The following DCTD variants were observed in gnomAD, a reference collection of about 807,000 sequenced individuals.
DCTD encodes deoxycytidylate deaminase.
Under a neutral mutation model 21.0 loss-of-function variants are expected in DCTD, and 23 were observed. The observed-to-expected ratio is 1.09, with a 90% CI of 0.79 to 1.55. The LOEUF is 1.55. DCTD is among the 40% of genes most tolerant of loss of function. DCTD has a pLI of 0.00. For missense variants in DCTD, 224 were observed against 230.0 expected (o/e 0.97, Z 0.17); for synonymous variants, 71 against 81.1 (o/e 0.88, Z 0.67).
intron 3 of DCTD, among the ~76,000 whole-genome samples, chr4:182,896,317 A>C (rs1239055101): frequency 1.3e-5 from 2 of 152,230 alleles, no homozygotes; most frequent in African/African-American, 4.8e-5. Context: ...GCAGCAATGC[A>C]ATGTTGCAGG....
intron 1 of DCTD, chr4:182,916,316 G>C (rs1275816793): frequency 2.2e-6 from 2 of 920,010 alleles, no homozygotes; most frequent in Non-Finnish European, 2.6e-6. Context: ...CTACGGCAGG[G>C]AGAGCCCACG....
intron 3 of DCTD, among the ~76,000 whole-genome samples, chr4:182,909,372 G>A (rs28490576): frequency 2.0e-5 from 3 of 152,072 alleles, no homozygotes; most frequent in African/African-American, 4.8e-5. Flanking sequence ...CCCTTGATTC[G>A]TAAAAATAAT....
chr4:182,908,202 T>TA (rs775694916), intron 3 of DCTD, among the ~76,000 whole-genome samples: 7 of 151,880 alleles, frequency 4.6e-5, no homozygotes, highest in African/African-American at 7.3e-5. Context: ...GATTCCGGAT[T>TA]AAAAAAAACT....
chr4:182,908,864 G>C (rs1481332958), intron 3 of DCTD, among the ~76,000 whole-genome samples: 2 of 152,070 alleles, frequency 1.3e-5, no homozygotes, highest in African/African-American at 4.8e-5. Context: ...TTTATCTTGA[G>C]AGATTACAGT....
rs369404649 is a variant in DCTD, at chr4:182,909,112, T to C, written c.244+5811A>G. Among the ~76,000 whole-genome samples the C allele has an allele frequency of 1.8e-4, 28 of 152,372 alleles. No individual in the cohort carries two copies. In the East Asian group the frequency reaches 5.4e-3, roughly 29 times the overall value. The stretch of plus-strand genomic sequence containing the variant: ...ATATGTCTTTCATAGATATTCATAA[T>C]GAAATAGTAAACTCTAGCACTTTAA... On this transcript the variant is annotated intron_variant, in intron 3 of 5. Coordinates refer to ENST00000438320, the MANE Select transcript of DCTD (RefSeq NM_001921.3).
chr4:182,902,342 G>C (rs772974566), intron 3 of DCTD, among the ~76,000 whole-genome samples: 2 of 152,194 alleles, frequency 1.3e-5, no homozygotes, highest in Admixed American at 1.3e-4. Flanking sequence ...CCTGCATGAA[G>C]TTCCTATTAG....
intron 3 of DCTD, among the ~76,000 whole-genome samples, chr4:182,894,859 C>T (rs148103033): frequency 1.1e-3 from 163 of 152,354 alleles, no homozygotes; most frequent in African/African-American, 3.6e-3. Context: ...CCACCCTAAG[C>T]GCAGCTCCGC....
chr4:182,913,532 T>C (rs1457127324), intron 3 of DCTD, among the ~76,000 whole-genome samples: 1 of 152,124 alleles, frequency 6.6e-6, no homozygotes, highest in Non-Finnish European at 1.5e-5. Context: ...ATATATAAAT[T>C]AGACTAAATG....
In DCTD at chr4:182,898,035, G is replaced by A. The variant is rs1003576315; in HGVS notation, c.245-3430C>T. 8.5e-5 allele frequency among the ~76,000 whole-genome samples: 13 copies of A among 152,334 alleles called. No homozygotes were observed. In the South Asian group the frequency reaches 1.0e-3, roughly 12 times the overall value. ...TCAGCCCCCAGACTGTCCTCAGAGA[G>A]GAAACTAGGGAAACTAACTTGATGA... On this transcript the variant is annotated intron_variant, in intron 3 of 5. Transcript: ENST00000438320.
intron 3 of DCTD, among the ~76,000 whole-genome samples, chr4:182,902,136 C>T (rs1735853815): frequency 6.6e-6 from 1 of 152,192 alleles, no homozygotes; most frequent in African/African-American, 2.4e-5. Flanking sequence ...ATGTCACTGC[C>T]AGCCTCCGCA....
rs374744960 is a variant in DCTD, at chr4:182,899,400, T to TTTC, written c.245-4796_245-4795insGAA. On this transcript the variant is annotated intron_variant, in intron 3 of 5. Coordinates refer to ENST00000438320, the MANE Select transcript of DCTD (RefSeq NM_001921.3). ...CCCATAGTCACTGCCCTTTTTTTTC[T>TTTC]TTTTCTTTTTTTTTTAGATGGAGTT... Among the ~76,000 whole-genome samples the TTTC allele has an allele frequency of 2.8e-4, 23 of 82,696 alleles. 1 individual carries two copies. The highest frequency in any genetic ancestry group is 1.7e-3 in the Admixed American group (17 of 10,138). The allele number at this position is 82,696 out of a possible 152,430, so 54.3% of individuals were successfully genotyped here.
At chr4:182,901,598 G>A (rs957812046) in intron 3 of DCTD, among the ~76,000 whole-genome samples, 6 of 152,064 alleles carry the variant, frequency 3.9e-5, no homozygotes, top group South Asian at 2.1e-4. Flanking sequence ...TTCAGAGCAC[G>A]GACAGTTCTG....
At chr4:182,913,042 C>A (rs13137448) in intron 3 of DCTD, among the ~76,000 whole-genome samples, 9,411 of 152,218 alleles carry the variant, frequency 0.062, 347 homozygotes, top group East Asian at 0.1. Flanking sequence ...TTTAACATAT[C>A]GACCCTCCAC....
At position 182,914,956 on chromosome 4, in the gene DCTD, C is replaced by T; in HGVS notation, c.211G>A (p.Ala71Thr). 6.2e-7 allele frequency: 1 copy of T among 1,614,212 alleles called. No individual in the cohort carries two copies. Among genetic ancestry groups the T allele is most frequent in the Non-Finnish European group, 8.5e-7 (1 of 1,180,032 alleles). The change falls in exon 3 of 6, where the codon GCA becomes ACA. Residue 71 changes from alanine to threonine, a missense_variant. Physicochemically the swap from Ala to Thr is moderately conservative, Grantham distance 58. Coordinates refer to ENST00000438320, the MANE Select transcript of DCTD (RefSeq NM_001921.3). ...TATTTGGTGTCCAGCTTATTCTCTG[C>T]TGTCCTTCTCCAAGGCAACACGTCA... ...SDDVLPWRRT[A>T]ENKLDTKYPY...
chr4:182,897,161 A>G (rs1461167577), intron 3 of DCTD, among the ~76,000 whole-genome samples: 2 of 152,202 alleles, frequency 1.3e-5, no homozygotes, highest in African/African-American at 2.4e-5. Flanking sequence ...TATGAAACAG[A>G]TTCTCTTGGG....
At chr4:182,912,068 G>A (rs1041125511) in intron 3 of DCTD, among the ~76,000 whole-genome samples, 22 of 151,892 alleles carry the variant, frequency 1.4e-4, no homozygotes, top group Admixed American at 1.3e-3. Flanking sequence ...ATGTAGATGA[G>A]GAAAGAATGG....
chr4:182,916,999 C>A (rs1738858089), intron 1 of DCTD: 1 of 990,082 alleles, frequency 1.0e-6, no homozygotes, highest in African/African-American at 1.7e-5. Flanking sequence ...AACCCACACA[C>A]GGGCGCAGGA....
rs775254168 is a variant in DCTD, at chr4:182,894,593, TCCGC to T, written c.253_256del (p.Ala85SerfsTer2). On this transcript the variant is annotated frameshift_variant, in exon 4 of 6. Coordinates refer to ENST00000438320, the MANE Select transcript of DCTD (RefSeq NM_001921.3). LOFTEE classifies it high-confidence loss of function. The stretch of plus-strand genomic sequence containing the variant: ...ATTTTTGTTCATGATGGCATTCAGC[TCCGC>T]ATGGCACACTGTGGGTTGAAAGGGA... The T allele has an allele frequency of 6.2e-7, 1 of 1,612,506 alleles. No individual in the cohort carries two copies. Among genetic ancestry groups the T allele is most frequent in the South Asian group, 1.1e-5 (1 of 91,050 alleles).
At chr4:182,911,271 A>C (rs925066056) in intron 3 of DCTD, 1 of 152,166 alleles carries the variant, frequency 6.6e-6, no homozygotes, top group Admixed American at 6.5e-5. Context: ...CTCCACCCTC[A>C]TGGCCTAATT....
Sources: allele counts gnomAD v4.1 joint callset (sites outside exome capture counted in the v4.1 genomes callset), GRCh38; gene constraint gnomAD v4.1.1; transcripts MANE v1.5; gene names NCBI Gene and HGNC (gene_info 2026-07-23, HGNC 2026-07-21).